HS6ST3: variants seen among roughly 807,000 people sequenced by gnomAD.
The protein encoded by HS6ST3 is heparan-sulfate 6-O-sulfotransferase 3.
A neutral mutation model predicts 36.7 loss-of-function variants in HS6ST3; 12 were observed. That is an observed-to-expected ratio of 0.33 (90% CI 0.21 to 0.53). The LOEUF (loss-of-function observed/expected upper bound fraction) is 0.53. HS6ST3 is among the 20% of genes least tolerant of loss of function. The pLI is 0.95. For synonymous variants in HS6ST3, 240 were observed against 257.5 expected, an observed-to-expected ratio of 0.93 and a Z score of 0.65; for missense variants, 584 against 640.9, an observed-to-expected ratio of 0.91 and a Z score of 0.96.
At chr13:96,424,454 A>G (rs545788062) in intron 1 of HS6ST3, among the ~76,000 whole-genome samples, 1 of 152,354 alleles carries the variant, frequency 6.6e-6, no homozygotes, top group African/African-American at 2.4e-5. Flanking sequence ...TGAATTTACA[A>G]TAAACCCTGA....
chr13:96,700,971 C>T (rs1053927582), intron 1 of HS6ST3, among the ~76,000 whole-genome samples: 1 of 152,162 alleles, frequency 6.6e-6, no homozygotes, highest in African/African-American at 2.4e-5. Flanking sequence ...CCGGAAGCAA[C>T]ATCCCAGTTA....
At chr13:96,244,292 A>G (rs2054574758) in intron 1 of HS6ST3, among the ~76,000 whole-genome samples, 1 of 152,164 alleles carries the variant, frequency 6.6e-6, no homozygotes, top group Admixed American at 6.5e-5. Flanking sequence ...ACTGAATAGG[A>G]AAGAAGGTTG....
At chr13:96,286,187 G>A (rs780335569) in intron 1 of HS6ST3, among the ~76,000 whole-genome samples, 2 of 152,126 alleles carry the variant, frequency 1.3e-5, no homozygotes, top group Non-Finnish European at 2.9e-5. Flanking sequence ...GGCAATCTCA[G>A]AGAACAGAGT....
chr13:96,270,377 C>A (rs949569499), intron 1 of HS6ST3, among the ~76,000 whole-genome samples: 1 of 151,832 alleles, frequency 6.6e-6, no homozygotes, highest in African/African-American at 2.4e-5. Flanking sequence ...GGCTAATAGA[C>A]CTATTATTCT....
intron 1 of HS6ST3, among the ~76,000 whole-genome samples, chr13:96,233,137 G>C (rs1278466819): frequency 6.6e-6 from 1 of 152,098 alleles, no homozygotes; most frequent in Non-Finnish European, 1.5e-5. Flanking sequence ...TCTAATTGTA[G>C]TGTGGAAATA....
At chr13:96,795,974 T>C (rs1877898988) in intron 1 of HS6ST3, among the ~76,000 whole-genome samples, 1 of 152,080 alleles carries the variant, frequency 6.6e-6, no homozygotes, top group Non-Finnish European at 1.5e-5. Context: ...AGGAAACAGA[T>C]TTTTGGAGAT....
intron 1 of HS6ST3, among the ~76,000 whole-genome samples, chr13:96,161,339 T>A (rs1189708149): frequency 1.3e-5 from 2 of 152,148 alleles, no homozygotes; most frequent in East Asian, 3.9e-4. Flanking sequence ...TATCTGGATC[T>A]TGACAAGTGA....
chr13:96,122,037 A>G (rs775474112), intron 1 of HS6ST3, among the ~76,000 whole-genome samples: 26 of 151,788 alleles, frequency 1.7e-4, no homozygotes, highest in Non-Finnish European at 3.5e-4. Flanking sequence ...TTTAGACGCA[A>G]TTCCTCTGAG....
At chr13:96,108,992 TCTCTATCC>T (rs1283802379) in intron 1 of HS6ST3, among the ~76,000 whole-genome samples, 5 of 152,044 alleles carry the variant, frequency 3.3e-5, no homozygotes, top group Non-Finnish European at 7.4e-5. Context: ...TCTATCTCTA[TCTCTATCC>T]CTCTATCATC....
At chr13:96,566,255 AAT>A (rs1171938599) in intron 1 of HS6ST3, among the ~76,000 whole-genome samples, 1 of 152,158 alleles carries the variant, frequency 6.6e-6, no homozygotes, top group Non-Finnish European at 1.5e-5. Flanking sequence ...TTGCAGAGAG[AAT>A]AGAGAGACTG....
intron 1 of HS6ST3, among the ~76,000 whole-genome samples, chr13:96,359,029 G>T (rs1360372258): frequency 1.3e-5 from 2 of 152,010 alleles, no homozygotes; most frequent in Non-Finnish European, 2.9e-5. Context: ...TTGCAAAAAT[G>T]AAAAGAAAAA....
At chr13:96,573,646 C>A in intron 1 of HS6ST3, 1 of 276,302 alleles carries the variant, frequency 3.6e-6, no homozygotes, top group South Asian at 3.5e-5. Flanking sequence ...ATACATCCTC[C>A]ACTGGAGTCC....
chr13:96,201,070 C>T (rs1405051102), intron 1 of HS6ST3, among the ~76,000 whole-genome samples: 1 of 152,176 alleles, frequency 6.6e-6, no homozygotes, highest in Admixed American at 6.6e-5. Context: ...TACTACATCC[C>T]AGCTGTGCAT....
At chr13:96,248,912 A>T (rs528786385) in intron 1 of HS6ST3, among the ~76,000 whole-genome samples, 5 of 152,302 alleles carry the variant, frequency 3.3e-5, no homozygotes. Flanking sequence ...ACAAATTTTC[A>T]CATCTGCCAT....
Position 96,835,707 on chromosome 13 carries a change from C to T in HS6ST3, c.*2509C>T, listed in dbSNP as rs1310099612. The stretch of plus-strand genomic sequence containing the variant: ...GCATTCAGATTGTTTCTTTTAAACT[C>T]ACTTTAAAATTTTGGCAAGGAATTC... On this transcript the variant is annotated 3_prime_UTR_variant, in exon 2 of 2. Coordinates refer to ENST00000376705, the MANE Select transcript of HS6ST3 (RefSeq NM_153456.4). The T allele has an allele frequency of 6.6e-6, 1 of 152,106 alleles. No individual in the cohort carries two copies. Among genetic ancestry groups the T allele is most frequent in the Non-Finnish European group, 1.5e-5 (1 of 68,056 alleles). 9.4% of individuals were successfully genotyped at this position (152,106 alleles called of 1,614,324 possible). A position where few individuals can be genotyped will look rare whatever the true frequency, so the allele number is the denominator to read the frequency against.
chr13:96,207,108 G>GA (rs1021810584), intron 1 of HS6ST3, among the ~76,000 whole-genome samples: 1 of 151,772 alleles, frequency 6.6e-6, no homozygotes, highest in African/African-American at 2.4e-5. Context: ...AAATTTACAA[G>GA]AAAAAACCTA....
chr13:96,510,776 G>C (rs546679977), intron 1 of HS6ST3, among the ~76,000 whole-genome samples: 2 of 152,052 alleles, frequency 1.3e-5, no homozygotes, highest in East Asian at 1.9e-4. Context: ...TCCTCACTCA[G>C]CCCCACAGAT....
At chr13:96,372,646 G>T (rs2055295420) in intron 1 of HS6ST3, among the ~76,000 whole-genome samples, 1 of 152,012 alleles carries the variant, frequency 6.6e-6, no homozygotes, top group South Asian at 2.1e-4. Context: ...AATTAATTTG[G>T]GTTGATTTTT....
intron 1 of HS6ST3, among the ~76,000 whole-genome samples, chr13:96,666,634 C>T (rs181708044): frequency 5.7e-4 from 86 of 152,212 alleles, no homozygotes; most frequent in African/African-American, 1.8e-3. Flanking sequence ...CGTTGAACTT[C>T]GGCTTATTTC....
Sources: allele counts gnomAD v4.1 joint callset (sites outside exome capture counted in the v4.1 genomes callset), GRCh38; gene constraint gnomAD v4.1.1; transcripts MANE v1.5; gene names NCBI Gene and HGNC (gene_info 2026-07-23, HGNC 2026-07-21).